Variants in GXYLT2 observed in about 807,000 individuals in gnomAD.
GXYLT2 encodes the protein glycosyltransferase 8 domain containing 4.
GXYLT2 carries 53 observed loss-of-function variants against 45.8 expected under a neutral mutation model. That is an observed-to-expected ratio of 1.16 (90% CI 0.93 to 1.46). The LOEUF is 1.46. Among genes scored for constraint, GXYLT2 ranks in the 40% most tolerant of loss-of-function variants. The pLI, the probability that GXYLT2 is intolerant of heterozygous loss-of-function variation, is 0.00. For synonymous variants in GXYLT2, 219 were observed against 214.2 expected (o/e 1.02, Z -0.19); for missense variants, 551 against 544.4 (o/e 1.01, Z -0.12).
At chr3:72,923,732 T>C (rs1379693503) in intron 3 of GXYLT2, among the ~76,000 whole-genome samples, 1 of 152,176 alleles carries the variant, frequency 6.6e-6, no homozygotes, top group Non-Finnish European at 1.5e-5. Context: ...GATAATCTCA[T>C]GGATGTATGT....
At chr3:72,966,214 A>G (rs984068916) in intron 5 of GXYLT2, among the ~76,000 whole-genome samples, 2 of 151,324 alleles carry the variant, frequency 1.3e-5, no homozygotes, top group African/African-American at 4.9e-5. Context: ...CCTGACCTCA[A>G]GTTATCCACC....
At chr3:72,972,102 A>G (rs1418065342) in intron 6 of GXYLT2, among the ~76,000 whole-genome samples, 3 of 151,610 alleles carry the variant, frequency 2.0e-5, no homozygotes, top group Non-Finnish European at 4.4e-5. Context: ...CTCTGAAAAT[A>G]TTCTCTCTCT....
chr3:72,931,615 C>T (rs1169188107), intron 3 of GXYLT2, among the ~76,000 whole-genome samples: 2 of 151,954 alleles, frequency 1.3e-5, no homozygotes, highest in South Asian at 2.1e-4. Context: ...TACAACATAC[C>T]AGTACTTATG....
At chr3:72,935,685 G>T (rs1446308720) in intron 3 of GXYLT2, among the ~76,000 whole-genome samples, 1 of 152,216 alleles carries the variant, frequency 6.6e-6, no homozygotes, top group Non-Finnish European at 1.5e-5. Flanking sequence ...TGGGCAAAGT[G>T]CCAAAATATT....
At chr3:72,918,794 C>T (rs1416003096) in intron 2 of GXYLT2, among the ~76,000 whole-genome samples, 1 of 151,944 alleles carries the variant, frequency 6.6e-6, no homozygotes, top group Non-Finnish European at 1.5e-5. Flanking sequence ...TGCCACTGCA[C>T]TCCAGCTTGG....
chr3:72,918,354 A>G (rs1230129546), intron 2 of GXYLT2, among the ~76,000 whole-genome samples: 1 of 152,206 alleles, frequency 6.6e-6, no homozygotes, highest in Non-Finnish European at 1.5e-5. Flanking sequence ...ATTCTGTTAT[A>G]TAGATAGACT....
intron 2 of GXYLT2, among the ~76,000 whole-genome samples, chr3:72,911,552 C>T (rs930842570): frequency 1.3e-5 from 2 of 152,108 alleles, no homozygotes; most frequent in East Asian, 3.8e-4. Context: ...AAGCCAGCTA[C>T]CATGTCAGAG....
intron 3 of GXYLT2, among the ~76,000 whole-genome samples, chr3:72,943,911 TG>T (rs996658149): frequency 7.2e-5 from 11 of 151,922 alleles, no homozygotes; most frequent in African/African-American, 2.7e-4. Flanking sequence ...CTCAAACTCC[TG>T]GGCTCAAGCT....
At chr3:72,915,327 T>G (rs1363948579) in intron 2 of GXYLT2, among the ~76,000 whole-genome samples, 2 of 132,908 alleles carry the variant, frequency 1.5e-5, no homozygotes, top group Non-Finnish European at 3.2e-5. Flanking sequence ...TGCCTCTTCG[T>G]TACCCATTTC....
At position 72,888,327 on chromosome 3, in the gene GXYLT2, C is replaced by G. The variant is rs1709105626; in HGVS notation, c.94C>G (p.Pro32Ala). The G allele has an allele frequency of 1.2e-5, 12 of 983,728 alleles. No individual in the cohort carries two copies. The highest frequency in any genetic ancestry group is 1.8e-5 in the African/African-American group (1 of 56,592). The allele number at this position is 983,728 out of a possible 1,614,324, so 60.9% of individuals were successfully genotyped here. The change falls in exon 1 of 7, where the codon CCC becomes GCC. Residue 32 changes from proline to alanine, a missense_variant. Coordinates refer to ENST00000389617, the MANE Select transcript of GXYLT2 (RefSeq NM_001080393.2). The stretch of plus-strand genomic sequence containing the variant: ...GTCCCTGCGCGCTGGCCGCGCTGAG[C>G]CCCCAGCGCTGCCCGCGCGCCCCGC... ...LLSLRAGRAEPPALPARPASA... is the reference protein window; with the variant it reads ...LLSLRAGRAEAPALPARPASA...
rs192561181 is a variant in GXYLT2, at chr3:72,953,660, A to T, written c.601-1438A>T. ...TCAGTGGCTGCTTTCATGTTACAAC[A>T]GCAGATTTGAGGAGTTGCAACAGAG... is the stretch of plus-strand genomic sequence containing the variant. On this transcript the variant is annotated intron_variant, in intron 3 of 6. Coordinates refer to ENST00000389617, the MANE Select transcript of GXYLT2 (RefSeq NM_001080393.2). Among the ~76,000 whole-genome samples the T allele has an allele frequency of 4.6e-3, 694 of 152,328 alleles. 9 individuals carry two copies. Among genetic ancestry groups the T allele is most frequent in the African/African-American group, 0.016 (658 of 41,576 alleles).
At chr3:72,908,679 C>G (rs1185027765) in intron 2 of GXYLT2, 120 bp downstream of exon 2, 1 of 800,560 alleles carries the variant, frequency 1.2e-6, no homozygotes, top group Non-Finnish European at 2.0e-6. Context: ...ACTTTGAACA[C>G]TTGACTCTGA....
chr3:72,952,269 C>T (rs906226980), intron 3 of GXYLT2, among the ~76,000 whole-genome samples: 11 of 152,004 alleles, frequency 7.2e-5, no homozygotes, highest in Admixed American at 7.2e-4. Flanking sequence ...TCCCAGGCAC[C>T]GTGCCTGGCT....
chr3:72,963,971 G>A (rs1358872562), intron 5 of GXYLT2, among the ~76,000 whole-genome samples: 2 of 151,608 alleles, frequency 1.3e-5, no homozygotes, highest in Non-Finnish European at 2.9e-5. Context: ...CACCATACCC[G>A]GACAAATTTT....
At chr3:72,945,303 A>AAAATAAAATAAAAT (rs75709829) in intron 3 of GXYLT2, among the ~76,000 whole-genome samples, 9 of 151,250 alleles carry the variant, frequency 6.0e-5, no homozygotes, top group Admixed American at 2.0e-4. Flanking sequence ...ATAAAAAAAT[A>AAAATAAAATAAAAT]AAAATAAAAT....
intron 1 of GXYLT2, among the ~76,000 whole-genome samples, chr3:72,899,758 T>C (rs897327235): frequency 6.6e-6 from 1 of 152,216 alleles, no homozygotes; most frequent in African/African-American, 2.4e-5. Flanking sequence ...ACTTTCTCCT[T>C]GTTAAAATAG....
chr3:72,963,127 C>T (rs967064141), intron 5 of GXYLT2, among the ~76,000 whole-genome samples: 6 of 151,752 alleles, frequency 4.0e-5, no homozygotes, highest in South Asian at 4.2e-4. Flanking sequence ...GCCTGGGCAA[C>T]GTGGCAAGAC....
chr3:72,942,717 T>A (rs1243544647), intron 3 of GXYLT2, among the ~76,000 whole-genome samples: 8 of 140,564 alleles, frequency 5.7e-5, no homozygotes, highest in Non-Finnish European at 1.2e-4. Context: ...TTGTTCTAAA[T>A]AACCGGCCAG....
intron 3 of GXYLT2, among the ~76,000 whole-genome samples, chr3:72,929,953 G>C (rs1335258209): frequency 1.3e-5 from 2 of 152,046 alleles, no homozygotes; most frequent in Admixed American, 6.6e-5. Context: ...GATCACCTGA[G>C]GTCAGAAGTT....
Sources: gnomAD v4.1 joint callset for allele counts (sites outside exome capture counted in the v4.1 genomes callset) on GRCh38, gnomAD v4.1.1 for gene constraint, MANE v1.5 for transcripts, NCBI Gene and HGNC (gene_info 2026-07-23, HGNC 2026-07-21) for gene names.